The following IFNA21 variants were observed in gnomAD, a reference collection of about 807,000 sequenced individuals.
The protein encoded by IFNA21 is interferon alpha 21, also known as interferon alpha-21.
For synonymous variants in IFNA21, 101 were observed against 82.9 expected, an observed-to-expected ratio of 1.22 and a Z score of -1.19; for missense variants, 272 against 212.7, an observed-to-expected ratio of 1.28 and a Z score of -1.73.
At position 21,166,050 on chromosome 9, in the gene IFNA21, T is replaced by A; in HGVS notation, c.563A>T (p.Lys188Met). Residue 188 changes from lysine (K) to methionine (M), a missense_variant, in exon 1 of 1, where the codon AAG becomes ATG. By Grantham distance (95) the Lys-to-Met change is moderately conservative (BLOSUM62 -1). Coordinates refer to ENST00000380225, the MANE Select transcript of IFNA21 (RefSeq NM_002175.2). ...TCCATGTTGAAACAGGTTTCATTCC[T>A]TCCTCCTTAATCTTTCTTGAAAAAT... ...SKIFQERLRR[K>M]E is the part of the protein sequence containing the mutation. 1 of 1,613,632 alleles carries A rather than the reference T, an allele frequency of 6.2e-7. No homozygotes were observed. Among genetic ancestry groups the A allele is most frequent in the Non-Finnish European group, 8.5e-7 (1 of 1,179,772 alleles).
At chr9:21,166,136 G>T in the IFNA21 span, 2 of 1,614,162 alleles carry the variant, frequency 1.2e-6, no homozygotes, top group Non-Finnish European at 1.7e-6. Flanking sequence ...CACAAGGGCT[G>T]TATTTCTTCT....
rs1268340212 is a variant in IFNA21, at chr9:21,166,643, G to C, written c.-31C>G. 1 of 1,598,542 alleles carries C rather than the reference G, an allele frequency of 6.3e-7. No individual in the cohort carries two copies. The highest frequency in any genetic ancestry group is 1.3e-5 in the African/African-American group (1 of 74,442). On this transcript the variant is annotated 5_prime_UTR_variant, in exon 1 of 1. Transcript: ENST00000380225. The stretch of plus-strand genomic sequence containing the variant: ...TGTTGCCAATATTGCTAGGCTACTT[G>C]AGATGGGTAACCTTGAACCTTGGCC...
chr9:21,166,132 G>T lies in IFNA21; in HGVS notation c.481C>A (p.Pro161Thr), dbSNP rs1819661325. ...GCTCTGACAACCTCCCAGGCACAAG[G>T]GCTGTATTTCTTCTCTGTCAGATAA... ...TLYLTEKKYS[P>T]CAWEVVRAEI... The change falls in exon 1 of 1, where the codon CCT becomes ACT. Residue 161 changes from proline (P) to threonine (T), a missense_variant. By Grantham distance (38) the Pro-to-Thr change is conservative. Transcript: ENST00000380225. 6.2e-7 allele frequency: 1 copy of T among 1,613,942 alleles called. No individual in the cohort carries two copies. The highest frequency in any genetic ancestry group is 1.7e-5 in the Admixed American group (1 of 59,972).
rs554488915 is a variant in IFNA21 at position 21,165,801 on chromosome 9, T to C, written c.*242A>G. On this transcript the variant is annotated 3_prime_UTR_variant, in exon 1 of 1. Transcript: ENST00000380225. ...ATTACATGGACAAAAATAATTTAAA[T>C]CTAATAAATAAATAAATATTTCAAT... The C allele has an allele frequency of 2.2e-5, 6 of 276,714 alleles. No individual in the cohort carries two copies. The East Asian group carries it at 4.1e-4, about 19-fold the overall frequency. The allele number at this position is 276,714 out of a possible 1,614,324, so 17.1% of individuals were successfully genotyped here.
In IFNA21 at chr9:21,166,511, A is replaced by G. The variant is rs751059650; in HGVS notation, c.102T>C (p.Asn34=). The G allele has an allele frequency of 2.2e-5, 36 of 1,613,994 alleles. No homozygotes were observed. In the Admixed American group the frequency reaches 4.5e-4, roughly 20 times the overall value. ...CDLPQTHSLG[N]RRALILLAQM... ...GTGCCAGGAGTATCAAGGCCCTCCT[A>G]TTACCCAGGCTGTGGGTCTGAGGCA... Residue 34 remains asparagine (N), a synonymous_variant, in exon 1 of 1, where the codon AAT becomes AAC. Transcript: ENST00000380225.
Position 21,166,412 on chromosome 9 carries a change from A to G in IFNA21, c.201T>C (p.Asp67=), listed in dbSNP as rs1282727908. 2 of 1,614,176 alleles carry G rather than the reference A, an allele frequency of 1.2e-6. No homozygotes were observed. Among genetic ancestry groups the G allele is most frequent in the Non-Finnish European group, 1.7e-6 (2 of 1,180,024 alleles). The part of the protein sequence containing the change: ...HDFGFPQEEF[D]GNQFQKAQAI... ...CTTGAGCCTTCTGGAACTGGTTGCCATCAAACTCCTCCTGGGGGAATCCAA... is the reference window on the plus strand; with the variant it reads ...CTTGAGCCTTCTGGAACTGGTTGCCGTCAAACTCCTCCTGGGGGAATCCAA... The change falls in exon 1 of 1, where the codon GAT becomes GAC. Residue 67 remains aspartate, a synonymous_variant. Transcript: ENST00000380225.
Position 21,166,450 on chromosome 9 carries a change from C to A in IFNA21, c.163G>T (p.Asp55Tyr), listed in dbSNP as rs767685484. The A allele has an allele frequency of 6.2e-6, 10 of 1,614,112 alleles. 1 individual carries two copies. The South Asian group carries it at 1.1e-4, about 18-fold the overall frequency. ...TGGGGGAATCCAAAGTCATGTCTGT[C>A]CTTCAGGCAGGAGAAAGGAGAGATT... ...GRISPFSCLK[D>Y]RHDFGFPQEE... The change falls in exon 1 of 1, where the codon GAC (aspartate) becomes TAC (tyrosine). Residue 55 changes from aspartate (D) to tyrosine (Y), a missense_variant. Physicochemically the swap from Asp to Tyr is radical, Grantham distance 160. Coordinates refer to ENST00000380225, the MANE Select transcript of IFNA21 (RefSeq NM_002175.2).
In IFNA21 at chr9:21,166,065, T is replaced by C. The variant is rs776646097; in HGVS notation, c.548A>G (p.Glu183Gly). ...GTTTCATTCCTTCCTCCTTAATCTT[T>C]CTTGAAAAATTTTTGATAAAGAGAA... ...RSFSLSKIFQ[E>G]RLRRKE The change falls in exon 1 of 1, where the codon GAA (glutamate) becomes GGA (glycine). Residue 183 changes from glutamate (E) to glycine (G), a missense_variant. By Grantham distance (98) the Glu-to-Gly change is moderately conservative (BLOSUM62 -2). Coordinates refer to ENST00000380225, the MANE Select transcript of IFNA21 (RefSeq NM_002175.2). 5 of 1,613,836 alleles carry C rather than the reference T, an allele frequency of 3.1e-6. No individual in the cohort carries two copies. The East Asian group carries it at 8.9e-5, about 29-fold the overall frequency.
In IFNA21 at chr9:21,166,512, T is replaced by G. The variant is rs1253205302; in HGVS notation, c.101A>C (p.Asn34Thr). Residue 34 changes from asparagine to threonine, a missense_variant, in exon 1 of 1, where the codon AAT (asparagine) becomes ACT (threonine). Transcript: ENST00000380225. ...CDLPQTHSLG[N>T]RRALILLAQM... ...TGCCAGGAGTATCAAGGCCCTCCTA[T>G]TACCCAGGCTGTGGGTCTGAGGCAG... is the stretch of plus-strand genomic sequence containing the variant. 6.2e-7 allele frequency: 1 copy of G among 1,614,120 alleles called. No homozygotes were observed. Among genetic ancestry groups the G allele is most frequent in the East Asian group, 2.2e-5 (1 of 44,876 alleles).
rs1417983713 is a variant in IFNA21 at position 21,166,378 on chromosome 9, C to T, written c.235G>A (p.Val79Ile). The T allele has an allele frequency of 6.2e-7, 1 of 1,613,996 alleles. No homozygotes were observed. The highest frequency in any genetic ancestry group is 8.5e-7 in the Non-Finnish European group (1 of 1,180,016). Residue 79 changes from valine to isoleucine, a missense_variant, in exon 1 of 1, where the codon GTC becomes ATC. Coordinates refer to ENST00000380225, the MANE Select transcript of IFNA21 (RefSeq NM_002175.2). ...GTCTGCTGGATCATCTCATGGAGGA[C>T]AGAGATGGCTTGAGCCTTCTGGAAC... ...NQFQKAQAISVLHEMIQQTFN... is the reference protein window; with the variant it reads ...NQFQKAQAISILHEMIQQTFN...
chr9:21,166,400 G>C lies in IFNA21; in HGVS notation c.213C>G (p.Phe71Leu). The change falls in exon 1 of 1, where the codon TTC becomes TTG. Residue 71 changes from phenylalanine (F) to leucine (L), a missense_variant. Physicochemically the swap from Phe to Leu is conservative, Grantham distance 22 (BLOSUM62 0). Transcript: ENST00000380225. ...GGACAGAGATGGCTTGAGCCTTCTG[G>C]AACTGGTTGCCATCAAACTCCTCCT... ...FPQEEFDGNQFQKAQAISVLH... is the reference protein window; with the variant it reads ...FPQEEFDGNQLQKAQAISVLH... The C allele has an allele frequency of 6.2e-7, 1 of 1,614,142 alleles. No homozygotes were observed. Among genetic ancestry groups the C allele is most frequent in the Non-Finnish European group, 8.5e-7 (1 of 1,180,032 alleles).
Position 21,166,393 on chromosome 9 carries a change from C to T in IFNA21, c.220G>A (p.Ala74Thr), listed in dbSNP as rs577626294. The T allele has an allele frequency of 5.5e-5, 88 of 1,614,080 alleles. No homozygotes were observed. The highest frequency in any genetic ancestry group is 3.8e-4 in the South Asian group (35 of 91,082). ...EEFDGNQFQKAQAISVLHEMI... is the reference protein window; with the variant it reads ...EEFDGNQFQKTQAISVLHEMI... ...TCATGGAGGACAGAGATGGCTTGAG[C>T]CTTCTGGAACTGGTTGCCATCAAAC... is the stretch of plus-strand genomic sequence containing the variant. Residue 74 changes from alanine to threonine, a missense_variant, in exon 1 of 1, where the codon GCT (alanine) becomes ACT (threonine). Ala to Thr is a moderately conservative substitution (Grantham distance 58, BLOSUM62 0). Transcript: ENST00000380225.
At position 21,166,194 on chromosome 9, in the gene IFNA21, A is replaced by G. The variant is rs747217092; in HGVS notation, c.419T>C (p.Ile140Thr). ...EETPLMNVDS[I>T]LAVKKYFQRI... ...TTGGAAGTATTTCTTCACAGCCAGG[A>G]TGGAGTCCACATTCATCAGGGGAGT... Residue 140 changes from isoleucine (I) to threonine (T), a missense_variant, in exon 1 of 1, where the codon ATC becomes ACC. By Grantham distance (89) the Ile-to-Thr change is moderately conservative. Transcript: ENST00000380225. The G allele has an allele frequency of 1.1e-5, 17 of 1,614,158 alleles. No individual in the cohort carries two copies. Among genetic ancestry groups the G allele is most frequent in the East Asian group, 8.9e-5 (4 of 44,890 alleles).
rs1326786904 is a variant in IFNA21 at position 21,165,847 on chromosome 9, C to T, written c.*196G>A. On this transcript the variant is annotated 3_prime_UTR_variant, in exon 1 of 1. Transcript: ENST00000380225. ...TCAATAGATAGATAATTAGATCTAT[C>T]AGCATGGTCATCTGTAAAGGACTAG... The T allele has an allele frequency of 6.1e-6, 3 of 488,282 alleles. No homozygotes were observed. Among genetic ancestry groups the T allele is most frequent in the African/African-American group, 4.0e-5 (2 of 50,256 alleles). The allele number at this position is 488,282 out of a possible 1,614,324, so 30.2% of individuals were successfully genotyped here.
Position 21,166,057 on chromosome 9 carries a change from T to A in IFNA21, c.556A>T (p.Arg186Trp), listed in dbSNP as rs1407683371. 5.6e-6 allele frequency: 9 copies of A among 1,613,900 alleles called. No individual in the cohort carries two copies. Among genetic ancestry groups the A allele is most frequent in the Non-Finnish European group, 7.6e-6 (9 of 1,179,876 alleles). The change falls in exon 1 of 1, where the codon AGG (arginine) becomes TGG (tryptophan). Residue 186 changes from arginine (R) to tryptophan (W), a missense_variant. Coordinates refer to ENST00000380225, the MANE Select transcript of IFNA21 (RefSeq NM_002175.2). ...SLSKIFQERL[R>W]RKE ...TGAAACAGGTTTCATTCCTTCCTCCTTAATCTTTCTTGAAAAATTTTTGAT... is the reference window on the plus strand; with the variant it reads ...TGAAACAGGTTTCATTCCTTCCTCCATAATCTTTCTTGAAAAATTTTTGAT...
In IFNA21 at chr9:21,166,597, A is replaced by G. The variant is rs778205280; in HGVS notation, c.16T>C (p.Ser6Pro). The change falls in exon 1 of 1, where the codon TCT becomes CCT. Residue 6 changes from serine to proline, a missense_variant. Coordinates refer to ENST00000380225, the MANE Select transcript of IFNA21 (RefSeq NM_002175.2). Reference sequence around the variant, plus strand: ...AGCACCAGCACGGCCATCAGTAAAGAAAAGGACAGGGCCATTGGGATGTTG... The same window carrying G: ...AGCACCAGCACGGCCATCAGTAAAGGAAAGGACAGGGCCATTGGGATGTTG... MALSF[S>P]LLMAVLVLSY... is the part of the protein sequence containing the mutation. 7 of 1,613,206 alleles carry G rather than the reference A, an allele frequency of 4.3e-6. No individual in the cohort carries two copies. Among genetic ancestry groups the G allele is most frequent in the Non-Finnish European group, 4.2e-6 (5 of 1,179,512 alleles).
rs1461528606 is a variant in IFNA21, at chr9:21,166,180, T to C, written c.433A>G (p.Lys145Glu). ...MNVDSILAVKKYFQRITLYLT... is the reference protein window; with the variant it reads ...MNVDSILAVKEYFQRITLYLT... ...TAAAGAGTGATTCTTTGGAAGTATT[T>C]CTTCACAGCCAGGATGGAGTCCACA... is the stretch of plus-strand genomic sequence containing the variant. Residue 145 changes from lysine (K) to glutamate (E), a missense_variant, in exon 1 of 1, where the codon AAA becomes GAA. Physicochemically the swap from Lys to Glu is moderately conservative, Grantham distance 56. Transcript: ENST00000380225. 1.8e-5 allele frequency: 29 copies of C among 1,614,066 alleles called. No individual in the cohort carries two copies. Among genetic ancestry groups the C allele is most frequent in the Non-Finnish European group, 2.2e-5 (26 of 1,180,042 alleles).
At chr9:21,166,240 G>A in the IFNA21 span, 3 of 1,614,106 alleles carry the variant, frequency 1.9e-6, no homozygotes, top group Non-Finnish European at 1.7e-6. Flanking sequence ...CCAACCTCCT[G>A]TATCACGCAG....
chr9:21,166,402 A>G lies in IFNA21; in HGVS notation c.211T>C (p.Phe71Leu). 1 of 1,614,132 alleles carries G rather than the reference A, an allele frequency of 6.2e-7. No homozygotes were observed. The highest frequency in any genetic ancestry group is 8.5e-7 in the Non-Finnish European group (1 of 1,180,016). The change falls in exon 1 of 1, where the codon TTC (phenylalanine) becomes CTC (leucine). Residue 71 changes from phenylalanine to leucine, a missense_variant. Phe to Leu is a conservative substitution (Grantham distance 22). Coordinates refer to ENST00000380225, the MANE Select transcript of IFNA21 (RefSeq NM_002175.2). Reference protein sequence around the residue: ...FPQEEFDGNQFQKAQAISVLH... With the variant: ...FPQEEFDGNQLQKAQAISVLH... Reference sequence around the variant, plus strand: ...ACAGAGATGGCTTGAGCCTTCTGGAACTGGTTGCCATCAAACTCCTCCTGG... The same window carrying G: ...ACAGAGATGGCTTGAGCCTTCTGGAGCTGGTTGCCATCAAACTCCTCCTGG...
Sources: gnomAD v4.1 joint callset for allele counts on GRCh38, gnomAD v4.1.1 for gene constraint, MANE v1.5 for transcripts, NCBI Gene and HGNC (gene_info 2026-07-23, HGNC 2026-07-21) for gene names.